MLLT3: variants seen among roughly 807,000 people sequenced by gnomAD.
The protein encoded by MLLT3 is MLLT3 super elongation complex subunit, also known as protein AF-9.
Under a neutral mutation model 53.2 loss-of-function variants are expected in MLLT3, and 4 were observed. That is an observed-to-expected ratio of 0.08 (90% CI 0.04 to 0.17). MLLT3 has a LOEUF of 0.17. Among genes scored for constraint, MLLT3 ranks in the 10% least tolerant of loss-of-function variants. The pLI is 1.00. For missense variants in MLLT3, 569 were observed against 684.0 expected (o/e 0.83, Z 1.87); for synonymous variants, 283 against 230.6 (o/e 1.23, Z -2.06).
chr9:20,423,160 T>C (rs1823055737), intron 4 of MLLT3, among the ~76,000 whole-genome samples: 1 of 152,040 alleles, frequency 6.6e-6, no homozygotes, highest in Non-Finnish European at 1.5e-5. Context: ...CCCTTGCAAG[T>C]AGCTGTGGGA....
At chr9:20,518,652 G>C (rs377362143) in intron 2 of MLLT3, among the ~76,000 whole-genome samples, 1 of 152,174 alleles carries the variant, frequency 6.6e-6, no homozygotes, top group East Asian at 1.9e-4. Context: ...GTTAACACCA[G>C]TAATACATAC....
In MLLT3 at chr9:20,607,918, A is replaced by T. The variant is rs559064545; in HGVS notation, c.193+12736T>A. On this transcript the variant is annotated intron_variant, in intron 2 of 10. Transcript: ENST00000380338. Reference sequence around the variant, plus strand: ...CAATCTGCATTGTATATAAAACATAAAATTATGTACTAATTTCCCTTTGTA... The same window carrying T: ...CAATCTGCATTGTATATAAAACATATAATTATGTACTAATTTCCCTTTGTA... 3.3e-5 allele frequency among the ~76,000 whole-genome samples: 5 copies of T among 152,112 alleles called. No homozygotes were observed. In the South Asian group the frequency reaches 1.0e-3, roughly 32 times the overall value.
chr9:20,582,558 C>G (rs1819821931), intron 2 of MLLT3, among the ~76,000 whole-genome samples: 1 of 152,180 alleles, frequency 6.6e-6, no homozygotes, highest in African/African-American at 2.4e-5. Flanking sequence ...CTGTTTCACC[C>G]TGCTGATAAA....
chr9:20,437,574 G>T (rs1364097315), intron 4 of MLLT3, among the ~76,000 whole-genome samples: 3 of 152,078 alleles, frequency 2.0e-5, no homozygotes, highest in Admixed American at 6.6e-5. Flanking sequence ...AGTAGGAACA[G>T]AAATCTAGGA....
chr9:20,379,889 A>C (rs1379125806), intron 5 of MLLT3, among the ~76,000 whole-genome samples: 2 of 152,056 alleles, frequency 1.3e-5, no homozygotes. Context: ...CCATAAACTT[A>C]AAACAAATAG....
At chr9:20,358,965 T>C (rs992787663) in intron 8 of MLLT3, among the ~76,000 whole-genome samples, 9 of 151,656 alleles carry the variant, frequency 5.9e-5, no homozygotes, top group African/African-American at 2.2e-4. Context: ...GCCAACATGG[T>C]GAAACCCCGT....
At chr9:20,375,391 G>C (rs141911783) in intron 5 of MLLT3, among the ~76,000 whole-genome samples, 1 of 152,266 alleles carries the variant, frequency 6.6e-6, no homozygotes, top group Non-Finnish European at 1.5e-5. Context: ...TAGGGACAGG[G>C]AAGAAAGTTT....
chr9:20,533,172 G>A (rs1818390359), intron 2 of MLLT3: 2 of 282,790 alleles, frequency 7.1e-6, no homozygotes, highest in Admixed American at 7.9e-5. Context: ...CCTTTACACA[G>A]GTTAACTTGG....
At chr9:20,576,526 G>C (rs756641080) in intron 2 of MLLT3, among the ~76,000 whole-genome samples, 3 of 152,012 alleles carry the variant, frequency 2.0e-5, no homozygotes, top group African/African-American at 4.8e-5. Context: ...CAATATTGTT[G>C]TGCCAGGAAA....
intron 2 of MLLT3, among the ~76,000 whole-genome samples, chr9:20,575,266 C>A (rs760853052): frequency 2.0e-5 from 3 of 152,000 alleles, no homozygotes; most frequent in Admixed American, 1.3e-4. Context: ...AATAGTGAAC[C>A]TTTTCCAGAA....
chr9:20,387,370 G>C (rs1371596641), intron 5 of MLLT3, among the ~76,000 whole-genome samples: 6 of 152,190 alleles, frequency 3.9e-5, no homozygotes, highest in Non-Finnish European at 7.3e-5. Flanking sequence ...AAAGATGTTA[G>C]GGATTTGGTG....
chr9:20,587,552 A>G (rs1820006460), intron 2 of MLLT3, among the ~76,000 whole-genome samples: 1 of 152,226 alleles, frequency 6.6e-6, no homozygotes, highest in Non-Finnish European at 1.5e-5. Context: ...TACTCATTTT[A>G]ACCATTAAAA....
chr9:20,488,760 C>T (rs911855404), intron 2 of MLLT3, among the ~76,000 whole-genome samples: 1 of 152,100 alleles, frequency 6.6e-6, no homozygotes, highest in Non-Finnish European at 1.5e-5. Context: ...GAACAAATGC[C>T]CCGTTTTCCA....
chr9:20,616,713 CT>C (rs1304777542), intron 2 of MLLT3, among the ~76,000 whole-genome samples: 1 of 152,068 alleles, frequency 6.6e-6, no homozygotes, highest in East Asian at 1.9e-4. Context: ...GAAGATCTTC[CT>C]GCATCTACAA....
At chr9:20,578,277 A>T (rs1174299747) in intron 2 of MLLT3, among the ~76,000 whole-genome samples, 2 of 152,180 alleles carry the variant, frequency 1.3e-5, no homozygotes, top group African/African-American at 4.8e-5. Context: ...TCTGGCACAT[A>T]AGATGTATTA....
At position 20,365,575 on chromosome 9, in the gene MLLT3, C is replaced by G; in HGVS notation, c.1201+94G>C. 3 of 1,387,214 alleles carry G rather than the reference C, an allele frequency of 2.2e-6. No homozygotes were observed. In the South Asian group the frequency reaches 3.5e-5, roughly 16 times the overall value. 85.9% of individuals were successfully genotyped at this position (1,387,214 alleles called of 1,614,324 possible). On this transcript the variant is annotated intron_variant, in intron 6 of 10. Transcript: ENST00000380338. ...GTGTTAGCTAGGATGGTCTTGATCT[C>G]CTGACCTCTTGATCCACCCGTGTCA...
intron 4 of MLLT3, chr9:20,415,407 T>TCC (rs1822845884): frequency 1.1e-6 from 1 of 907,864 alleles, no homozygotes; most frequent in Non-Finnish European, 1.3e-6. Flanking sequence ...ATCTTTCTGT[T>TCC]TAGGAACAAA....
In MLLT3 at chr9:20,341,838, G is replaced by A. The variant is rs1340077565; in HGVS notation, c.*4605C>T. Reference sequence around the variant, plus strand: ...TGAACAAAACCCTCCAAAGAAATAGGGGGGAAAGAAAAAATACCGGGCACA... The same window carrying A: ...TGAACAAAACCCTCCAAAGAAATAGAGGGGAAAGAAAAAATACCGGGCACA... On this transcript the variant is annotated 3_prime_UTR_variant, in exon 11 of 11. Transcript: ENST00000380338. The A allele has an allele frequency of 1.9e-5, 4 of 205,378 alleles. No homozygotes were observed. Among genetic ancestry groups the A allele is most frequent in the Non-Finnish European group, 4.0e-5 (4 of 100,604 alleles). 12.7% of individuals were successfully genotyped at this position (205,378 alleles called of 1,614,324 possible).
At chr9:20,486,628 T>G (rs1350040951) in intron 2 of MLLT3, among the ~76,000 whole-genome samples, 4 of 152,278 alleles carry the variant, frequency 2.6e-5, no homozygotes, top group African/African-American at 7.2e-5. Flanking sequence ...AAGGTAAGGT[T>G]ACACTCCTAC....
Sources: allele counts gnomAD v4.1 joint callset (sites outside exome capture counted in the v4.1 genomes callset), GRCh38; gene constraint gnomAD v4.1.1; transcripts MANE v1.5; gene names NCBI Gene and HGNC (gene_info 2026-07-23, HGNC 2026-07-21).